LRRC3B: variants seen among roughly 807,000 people sequenced by gnomAD.
The protein encoded by LRRC3B is leucine-rich repeat-containing protein 3B.
LRRC3B carries 2 observed loss-of-function variants against 12.8 expected under a neutral mutation model. The ratio of observed to expected loss-of-function variants is 0.16; its 90% CI spans 0.06 to 0.49. The LOEUF (loss-of-function observed/expected upper bound fraction) is 0.49, where lower values mean the gene tolerates loss of function less well. Ranked by LOEUF, LRRC3B falls within the 20% of genes least tolerant of loss-of-function variation. The pLI, the probability that LRRC3B is intolerant of heterozygous loss-of-function variation, is 0.96. For synonymous variants in LRRC3B, 132 were observed against 122.0 expected (o/e 1.08, Z -0.54); for missense variants, 189 against 319.4 (o/e 0.59, Z 3.11).
intron 1 of LRRC3B, among the ~76,000 whole-genome samples, chr3:26,650,730 GTTA>G (rs965531043): frequency 1.3e-5 from 2 of 152,048 alleles, no homozygotes; most frequent in Non-Finnish European, 2.9e-5. Context: ...TATTATTGCT[GTTA>G]TTATTAGTTA....
At chr3:26,693,657 C>A (rs1001858842) in intron 1 of LRRC3B, among the ~76,000 whole-genome samples, 1 of 152,074 alleles carries the variant, frequency 6.6e-6, no homozygotes, top group Non-Finnish European at 1.5e-5. Flanking sequence ...AAGCAACATG[C>A]CCTAAAAATC....
At chr3:26,685,957 A>G (rs1700079565) in intron 1 of LRRC3B, among the ~76,000 whole-genome samples, 2 of 152,184 alleles carry the variant, frequency 1.3e-5, no homozygotes, top group Admixed American at 1.3e-4. Context: ...TACCTCAGAT[A>G]GGAAATACCA....
At chr3:26,648,817 C>T (rs748300663) in intron 1 of LRRC3B, among the ~76,000 whole-genome samples, 1 of 152,202 alleles carries the variant, frequency 6.6e-6, no homozygotes, top group Non-Finnish European at 1.5e-5. Context: ...CAACACCGAA[C>T]TTGTAATATG....
At chr3:26,655,671 G>C (rs1367988913) in intron 1 of LRRC3B, among the ~76,000 whole-genome samples, 1 of 152,062 alleles carries the variant, frequency 6.6e-6, no homozygotes, top group Non-Finnish European at 1.5e-5. Flanking sequence ...AAGTGAAGCA[G>C]AGCTCATATC....
At chr3:26,709,621 C>A in exon 2 of LRRC3B, 1 of 1,568,124 alleles carries the variant, frequency 6.4e-7, no homozygotes, top group Non-Finnish European at 8.7e-7. Context: ...ACCTTTACCA[C>A]GCTTGTTGGA....
exon 2 of LRRC3B, chr3:26,710,443 T>A: frequency 6.3e-7 from 1 of 1,586,376 alleles, no homozygotes; most frequent in Non-Finnish European, 8.6e-7. Context: ...ATATTAGCAC[T>A]GTGGTATAGT....
rs553623234 is a variant in LRRC3B, at chr3:26,641,532, G to A, written c.-161+18295G>A. Among the ~76,000 whole-genome samples, 16 of 152,252 alleles carry A rather than the reference G, an allele frequency of 1.1e-4. No individual in the cohort carries two copies. In the South Asian group the frequency reaches 2.1e-3, roughly 20 times the overall value. ...GGAAATCTGGGAAACATGTTCCCACGTAGCTAAGTCAACACAATAGAAAAC... is the reference window on the plus strand; with the variant it reads ...GGAAATCTGGGAAACATGTTCCCACATAGCTAAGTCAACACAATAGAAAAC... On this transcript the variant is annotated intron_variant, in intron 1 of 1. Coordinates refer to ENST00000396641, the Ensembl canonical transcript of LRRC3B.
intron 1 of LRRC3B, among the ~76,000 whole-genome samples, chr3:26,701,907 C>T (rs74990774): frequency 0.033 from 4,975 of 152,234 alleles, 282 homozygotes; most frequent in African/African-American, 0.11. Context: ...TTTAACTCTA[C>T]ATTCATTTAA....
At chr3:26,671,417 A>AGAG (rs1699745486) in intron 1 of LRRC3B, among the ~76,000 whole-genome samples, 2 of 39,742 alleles carry the variant, frequency 5.0e-5, no homozygotes, top group African/African-American at 7.7e-5. Flanking sequence ...GAGAGAGACG[A>AGAG]AGTCTTGCTC....
chr3:26,667,119 GAAA>G (rs368094321), intron 1 of LRRC3B, among the ~76,000 whole-genome samples: 59 of 101,536 alleles, frequency 5.8e-4, no homozygotes, highest in Non-Finnish European at 1.1e-3. Context: ...TCACTTTCAA[GAAA>G]AAAAAAAAAA....
At chr3:26,705,102 G>GAAAT (rs141999511) in intron 1 of LRRC3B, among the ~76,000 whole-genome samples, 1 of 152,110 alleles carries the variant, frequency 6.6e-6, no homozygotes, top group African/African-American at 2.4e-5. Context: ...TGAAAAGAAA[G>GAAAT]AAATAAGCAG....
intron 1 of LRRC3B, among the ~76,000 whole-genome samples, chr3:26,665,384 C>A (rs1030024236): frequency 6.6e-6 from 1 of 152,106 alleles, no homozygotes; most frequent in Non-Finnish European, 1.5e-5. Context: ...TTCTTCTTGT[C>A]CTTCTTATTG....
intron 1 of LRRC3B, among the ~76,000 whole-genome samples, chr3:26,700,694 A>T (rs1700431679): frequency 6.6e-6 from 1 of 152,152 alleles, no homozygotes; most frequent in Admixed American, 6.5e-5. Context: ...TTCCTATCTT[A>T]GTGGGACCAG....
intron 1 of LRRC3B, among the ~76,000 whole-genome samples, chr3:26,671,011 CTTTTTTTTTTTT>C (rs762788262): frequency 1.0e-5 from 1 of 95,548 alleles, no homozygotes; most frequent in Non-Finnish European, 1.9e-5. Flanking sequence ...TCTCATGTAT[CTTTTTTTTTTTT>C]TTTTTTTTTT....
At chr3:26,667,911 TTA>T (rs1252994431) in intron 1 of LRRC3B, among the ~76,000 whole-genome samples, 1 of 151,418 alleles carries the variant, frequency 6.6e-6, no homozygotes. Context: ...AAAACAAACT[TTA>T]TTTTATTTTA....
chr3:26,677,510 T>C (rs140991901), intron 1 of LRRC3B, among the ~76,000 whole-genome samples: 7 of 152,258 alleles, frequency 4.6e-5, no homozygotes, highest in African/African-American at 1.7e-4. Context: ...CAGGCTTGTA[T>C]GTGAGGAAGG....
At chr3:26,684,355 A>G (rs374273115) in intron 1 of LRRC3B, among the ~76,000 whole-genome samples, 1 of 152,300 alleles carries the variant, frequency 6.6e-6, no homozygotes, top group South Asian at 2.1e-4. Context: ...GAAAATTATG[A>G]TACTATCCTT....
chr3:26,645,700 G>T (rs886227095), intron 1 of LRRC3B, among the ~76,000 whole-genome samples: 2 of 151,924 alleles, frequency 1.3e-5, no homozygotes, highest in Non-Finnish European at 2.9e-5. Flanking sequence ...TGGAGTGTGA[G>T]GGATAGAAAA....
At chr3:26,706,724 TTAAG>T (rs1487816563) in intron 1 of LRRC3B, among the ~76,000 whole-genome samples, 1 of 152,198 alleles carries the variant, frequency 6.6e-6, no homozygotes, top group Admixed American at 6.5e-5. Context: ...GAAACCCTGA[TTAAG>T]TATAAAGAAG....
Sources: gnomAD v4.1 joint callset for allele counts (sites outside exome capture counted in the v4.1 genomes callset) on GRCh38, gnomAD v4.1.1 for gene constraint, MANE v1.5 for transcripts, NCBI Gene and HGNC (gene_info 2026-07-23, HGNC 2026-07-21) for gene names.